The following NRXN3 variants were observed in gnomAD, a reference collection of about 807,000 sequenced individuals.
NRXN3 encodes neurexin 3.
A neutral mutation model predicts 137.6 loss-of-function variants in NRXN3; 32 were observed. The ratio of observed to expected loss-of-function variants is 0.23; its 90% confidence interval spans 0.18 to 0.31. The LOEUF (loss-of-function observed/expected upper bound fraction) is 0.31. Ranked by LOEUF, NRXN3 falls within the 10% of genes least tolerant of loss-of-function variation. The probability of loss-of-function intolerance (pLI) is 1.00; values close to 1 mark genes in which losing one functional copy is unlikely to be tolerated. For missense variants in NRXN3, 1,574 were observed against 2,062.5 expected (o/e 0.76, Z 4.59); for synonymous variants, 798 against 784.5 (o/e 1.02, Z -0.29).
In NRXN3 at chr14:78,213,549, T is replaced by C. The variant is rs563819566; in HGVS notation, c.-703-28842T>C. On this transcript the variant is annotated intron_variant, in intron 1 of 20. Transcript: ENST00000335750. ...CTGATGGGAAGTCCCCAAGCAAGAG[T>C]TGATTGTTAGAGGAATCCTGAATTG... Among the ~76,000 whole-genome samples, 11 of 152,152 alleles carry C rather than the reference T, an allele frequency of 7.2e-5. No individual in the cohort carries two copies. In the South Asian group the frequency reaches 1.9e-3, roughly 26 times the overall value.
chr14:79,412,883 T>G (rs2095439933), intron 15 of NRXN3, among the ~76,000 whole-genome samples: 1 of 149,792 alleles, frequency 6.7e-6, no homozygotes, highest in African/African-American at 2.4e-5. Context: ...ATAAAATGCA[T>G]AGCAAGTTGA....
At chr14:79,365,601 C>G (rs1411580417) in intron 15 of NRXN3, among the ~76,000 whole-genome samples, 1 of 150,732 alleles carries the variant, frequency 6.6e-6, no homozygotes, top group African/African-American at 2.4e-5. Context: ...CGCCTGTAGT[C>G]CCAGCTACTC....
At chr14:79,442,307 A>G (rs1393276484) in intron 15 of NRXN3, among the ~76,000 whole-genome samples, 1 of 152,210 alleles carries the variant, frequency 6.6e-6, no homozygotes, top group Non-Finnish European at 1.5e-5. Context: ...CAAGTTTGCT[A>G]TAATTTGGAG....
chr14:79,352,538 G>A (rs1240973252), intron 15 of NRXN3, among the ~76,000 whole-genome samples: 1 of 152,070 alleles, frequency 6.6e-6, no homozygotes, highest in African/African-American at 2.4e-5. Context: ...ATATGGATTT[G>A]AGAAGCTCAT....
intron 8 of NRXN3, among the ~76,000 whole-genome samples, chr14:78,802,558 C>T (rs1290295078): frequency 6.6e-6 from 1 of 152,166 alleles, no homozygotes; most frequent in Non-Finnish European, 1.5e-5. Flanking sequence ...TCTTGGTTTT[C>T]TTGTCTGCAA....
At chr14:79,676,762 C>G (rs1381369283) in intron 17 of NRXN3, among the ~76,000 whole-genome samples, 1 of 151,810 alleles carries the variant, frequency 6.6e-6, no homozygotes, top group African/African-American at 2.4e-5. Context: ...CTAAAGCACA[C>G]TGGGTTTTTA....
At chr14:78,201,861 C>A (rs138769199) in intron 1 of NRXN3, among the ~76,000 whole-genome samples, 41 of 152,272 alleles carry the variant, frequency 2.7e-4, no homozygotes, top group African/African-American at 9.1e-4. Context: ...CGATGACGCG[C>A]GTCTGAAGTG....
intron 4 of NRXN3, among the ~76,000 whole-genome samples, chr14:78,493,361 A>T (rs2095705648): frequency 3.7e-5 from 2 of 53,770 alleles, no homozygotes; most frequent in Non-Finnish European, 5.0e-5. Flanking sequence ...GTCTCTATTA[A>T]AAAAAAAAAA....
chr14:78,920,203 G>A (rs1390395805), intron 10 of NRXN3, among the ~76,000 whole-genome samples: 2 of 152,102 alleles, frequency 1.3e-5, no homozygotes, highest in African/African-American at 2.4e-5. Flanking sequence ...CCACAATCTA[G>A]AGCCTGGCCT....
intron 16 of NRXN3, among the ~76,000 whole-genome samples, chr14:79,593,439 G>A (rs916692725): frequency 7.2e-5 from 11 of 152,106 alleles, no homozygotes; most frequent in African/African-American, 2.6e-4. Flanking sequence ...GACCATCCTG[G>A]CTAACACGGT....
At chr14:79,616,536 G>A (rs1345222276) in intron 16 of NRXN3, among the ~76,000 whole-genome samples, 2 of 152,010 alleles carry the variant, frequency 1.3e-5, no homozygotes, top group Non-Finnish European at 2.9e-5. Flanking sequence ...GGCAAGAGAG[G>A]ATAAAGAAAC....
chr14:79,318,348 G>T (rs773792005), intron 15 of NRXN3, among the ~76,000 whole-genome samples: 29 of 152,228 alleles, frequency 1.9e-4, no homozygotes, highest in Non-Finnish European at 3.4e-4. Flanking sequence ...AAGCAATTAG[G>T]GAAGGAAGGA....
intron 15 of NRXN3, among the ~76,000 whole-genome samples, chr14:79,111,136 G>A (rs1389632357): frequency 6.6e-6 from 1 of 152,022 alleles, no homozygotes; most frequent in African/African-American, 2.4e-5. Flanking sequence ...GAATGGAGAA[G>A]GGAAAAAGGA....
At chr14:79,646,557 A>G (rs975396085) in intron 16 of NRXN3, among the ~76,000 whole-genome samples, 2 of 135,532 alleles carry the variant, frequency 1.5e-5, no homozygotes, top group Non-Finnish European at 3.4e-5. Context: ...ACTGTGCTCC[A>G]CATAACCATA....
chr14:79,504,978 G>A (rs2096863042), intron 16 of NRXN3, among the ~76,000 whole-genome samples: 1 of 152,110 alleles, frequency 6.6e-6, no homozygotes. Flanking sequence ...ACTTTGGGAG[G>A]CCCAGGTGGG....
chr14:78,520,190 TG>T (rs1217779291), intron 4 of NRXN3, among the ~76,000 whole-genome samples: 1 of 152,178 alleles, frequency 6.6e-6, no homozygotes, highest in African/African-American at 2.4e-5. Flanking sequence ...GACCTTGCCT[TG>T]GATACTACCT....
chr14:78,874,132 C>T (rs1457007284), intron 10 of NRXN3, among the ~76,000 whole-genome samples: 4 of 151,824 alleles, frequency 2.6e-5, no homozygotes, highest in Non-Finnish European at 2.9e-5. Context: ...CCACCATGTC[C>T]GGCTAATTTT....
At chr14:79,350,909 A>T (rs1287929909) in intron 15 of NRXN3, among the ~76,000 whole-genome samples, 1 of 152,182 alleles carries the variant, frequency 6.6e-6, no homozygotes, top group Non-Finnish European at 1.5e-5. Context: ...ATGCTACACA[A>T]AACTTTTTAT....
chr14:78,403,546 T>C (rs2092264584), intron 4 of NRXN3, among the ~76,000 whole-genome samples: 1 of 152,156 alleles, frequency 6.6e-6, no homozygotes, highest in Non-Finnish European at 1.5e-5. Context: ...GAGTCCTCTT[T>C]GCTGGCTGAA....
Sources: gnomAD v4.1 joint callset for allele counts (sites outside exome capture counted in the v4.1 genomes callset) on GRCh38, gnomAD v4.1.1 for gene constraint, MANE v1.5 for transcripts, NCBI Gene and HGNC (gene_info 2026-07-23, HGNC 2026-07-21) for gene names.